The following CDYL variants were observed in gnomAD, a reference collection of about 807,000 sequenced individuals.
The protein encoded by CDYL is chromodomain Y-like protein.
A neutral mutation model predicts 47.3 loss-of-function variants in CDYL; 8 were observed. The ratio of observed to expected loss-of-function variants is 0.17; its 90% CI spans 0.10 to 0.31. CDYL has a LOEUF of 0.31. Ranked by LOEUF, CDYL falls within the 10% of genes least tolerant of loss-of-function variation. The pLI, the probability that CDYL is intolerant of heterozygous loss-of-function variation, is 1.00. For synonymous variants in CDYL, 266 were observed against 265.0 expected, an observed-to-expected ratio of 1.00 and a Z score of -0.04; for missense variants, 471 against 701.4, an observed-to-expected ratio of 0.67 and a Z score of 3.71.
rs200835710 is a variant in CDYL, at chr6:4,717,703, C to CAA, written c.103+1858_103+1859dup. On this transcript the variant is annotated intron_variant, in intron 2 of 8. Coordinates refer to the CDYL transcript ENST00000328908. ...TTAGGCAACAGAACAAAGACCCTCACAAAAAAAAAAAAAAAAAAAAAAAAA... is the reference window on the plus strand; with the variant it reads ...TTAGGCAACAGAACAAAGACCCTCACAAAAAAAAAAAAAAAAAAAAAAAAAAA... Among the ~76,000 whole-genome samples, 114 of 49,332 alleles carry CAA rather than the reference C, an allele frequency of 2.3e-3. 2 individuals are homozygous for CAA. The highest frequency in any genetic ancestry group is 8.8e-3 in the African/African-American group (94 of 10,714). The allele number at this position is 49,332 out of a possible 152,430, so 32.4% of individuals were successfully genotyped here. A position where few individuals can be genotyped will look rare whatever the true frequency, so the allele number is the denominator to read the frequency against.
At chr6:4,730,623 G>A (rs1757587039) in intron 2 of CDYL, among the ~76,000 whole-genome samples, 2 of 139,710 alleles carry the variant, frequency 1.4e-5, no homozygotes, top group Non-Finnish European at 1.5e-5. Context: ...GCAGTGAGCC[G>A]AGATTGCGCC....
intron 2 of CDYL, among the ~76,000 whole-genome samples, chr6:4,717,947 G>A (rs575873614): frequency 1.3e-5 from 2 of 151,884 alleles, no homozygotes; most frequent in African/African-American, 2.4e-5. Flanking sequence ...CTGGGCTCAA[G>A]GGATCCTCCT....
intron 2 of CDYL, among the ~76,000 whole-genome samples, chr6:4,731,553 T>C (rs1693285743): frequency 6.6e-6 from 1 of 151,982 alleles, no homozygotes; most frequent in Non-Finnish European, 1.5e-5. Flanking sequence ...TCCCAGCATT[T>C]TGGGAGGCTG....
chr6:4,713,469 G>T (rs1295637314), intron 1 of CDYL, among the ~76,000 whole-genome samples: 1 of 152,160 alleles, frequency 6.6e-6, no homozygotes, highest in Non-Finnish European at 1.5e-5. Flanking sequence ...TTCCATGGAG[G>T]TGACTAAAGA....
rs1416243089 is a variant in CDYL at position 4,776,429 on chromosome 6, C to T, written c.-355C>T. ...GGTCGCAAGTAGGAAGCTTTCTGCA[C>T]TACACCGGAGAGGGGAGCCGCGATC... On this transcript the variant is annotated 5_prime_UTR_variant, in exon 1 of 7. Coordinates refer to ENST00000397588, the MANE Select transcript of CDYL (RefSeq NM_004824.4). The T allele has an allele frequency of 2.7e-5, 4 of 146,220 alleles. No homozygotes were observed. The East Asian group carries it at 7.9e-4, about 29-fold the overall frequency. 9.1% of individuals were successfully genotyped at this position (146,220 alleles called of 1,614,324 possible). A position where few individuals can be genotyped will look rare whatever the true frequency, so the allele number is the denominator to read the frequency against.
chr6:4,922,692 G>T (rs1005525123), intron 2 of CDYL, among the ~76,000 whole-genome samples: 6 of 152,242 alleles, frequency 3.9e-5, no homozygotes, highest in African/African-American at 1.2e-4. Flanking sequence ...GACTTGAACA[G>T]TCCTTCCTCT....
At chr6:4,946,017 C>G (rs958128885) in intron 5 of CDYL, among the ~76,000 whole-genome samples, 5 of 152,372 alleles carry the variant, frequency 3.3e-5, no homozygotes, top group African/African-American at 1.2e-4. Context: ...CCAGCGCCCA[C>G]AGGCGGGCCT....
At chr6:4,868,169 C>T (rs1038577278) in intron 1 of CDYL, among the ~76,000 whole-genome samples, 1 of 151,620 alleles carries the variant, frequency 6.6e-6, no homozygotes, top group Non-Finnish European at 1.5e-5. Flanking sequence ...ATTCGCCCTT[C>T]TGTTTCTTAT....
intron 3 of CDYL, among the ~76,000 whole-genome samples, chr6:4,754,268 A>C (rs1228124664): frequency 6.6e-6 from 1 of 152,232 alleles, no homozygotes; most frequent in Non-Finnish European, 1.5e-5. Context: ...TGGAGATGAC[A>C]CTCAACTATG....
intron 2 of CDYL, chr6:4,734,647 C>CAGTGAGG: frequency 7.5e-7 from 1 of 1,332,042 alleles, no homozygotes. Flanking sequence ...ACTCCTAATT[C>CAGTGAGG]AGGAAGGGGA....
intron 1 of CDYL, among the ~76,000 whole-genome samples, chr6:4,849,739 T>C (rs1300380361): frequency 6.6e-6 from 1 of 151,252 alleles, no homozygotes. Flanking sequence ...AAATTCTTAC[T>C]TCTTTTGCAC....
chr6:4,923,796 G>C (rs908648812), intron 2 of CDYL, among the ~76,000 whole-genome samples: 7 of 152,010 alleles, frequency 4.6e-5, no homozygotes, highest in African/African-American at 1.7e-4. Context: ...AGCTACTCGG[G>C]AGGCTGAAGC....
intron 1 of CDYL, among the ~76,000 whole-genome samples, chr6:4,836,512 A>G (rs1220975777): frequency 1.3e-5 from 2 of 152,208 alleles, no homozygotes; most frequent in South Asian, 2.1e-4. Flanking sequence ...ATTCGAGAGC[A>G]TGGCTCTCAC....
intron 1 of CDYL, among the ~76,000 whole-genome samples, chr6:4,883,266 C>T (rs808623): frequency 6.6e-6 from 1 of 152,112 alleles, no homozygotes; most frequent in African/African-American, 2.4e-5. Context: ...CATTAATGAT[C>T]CTTGTCATTC....
At chr6:4,804,387 C>T (rs1485678788) in intron 1 of CDYL, among the ~76,000 whole-genome samples, 1 of 152,218 alleles carries the variant, frequency 6.6e-6, no homozygotes, top group Admixed American at 6.5e-5. Context: ...TTAGTCACCA[C>T]TTTTAGAGCT....
chr6:4,741,488 AT>A (rs1348425318), intron 3 of CDYL, among the ~76,000 whole-genome samples: 2 of 152,168 alleles, frequency 1.3e-5, no homozygotes, highest in African/African-American at 2.4e-5. Context: ...ATCATGCTCC[AT>A]TGCATTCTCT....
chr6:4,768,291 T>C (rs1758286851), intron 3 of CDYL, among the ~76,000 whole-genome samples: 1 of 152,232 alleles, frequency 6.6e-6, no homozygotes, highest in African/African-American at 2.4e-5. Flanking sequence ...GAACTTGCTT[T>C]CTAATATGAT....
At chr6:4,721,163 CAAT>C (rs1429240935) in intron 2 of CDYL, among the ~76,000 whole-genome samples, 1 of 152,142 alleles carries the variant, frequency 6.6e-6, no homozygotes, top group Non-Finnish European at 1.5e-5. Flanking sequence ...GATAGGGAAA[CAAT>C]AAACTATTAT....
chr6:4,842,843 A>G (rs757925768), intron 1 of CDYL, among the ~76,000 whole-genome samples: 1 of 151,892 alleles, frequency 6.6e-6, no homozygotes, highest in Non-Finnish European at 1.5e-5. Context: ...TTTTTTTTCC[A>G]TTATGTTATT....
Sources: gnomAD v4.1 joint callset for allele counts (sites outside exome capture counted in the v4.1 genomes callset) on GRCh38, gnomAD v4.1.1 for gene constraint, MANE v1.5 for transcripts, NCBI Gene and HGNC (gene_info 2026-07-23, HGNC 2026-07-21) for gene names.